Variants in BIRC6 observed in about 807,000 individuals in gnomAD.
The protein encoded by BIRC6 is dual E2 ubiquitin-conjugating enzyme/E3 ubiquitin-protein ligase BIRC6.
A neutral mutation model predicts 503.3 loss-of-function variants in BIRC6; 98 were observed. The observed-to-expected ratio is 0.19, with a 90% CI of 0.17 to 0.23. The LOEUF is 0.23. BIRC6 is among the 10% of genes least tolerant of loss of function. The pLI is 1.00. For missense variants in BIRC6, 5,360 were observed against 5,806.0 expected (o/e 0.92, Z 2.50); for synonymous variants, 2,240 against 2,078.7 (o/e 1.08, Z -2.11).
chr2:32,577,885 C>G (rs754201845), intron 66 of BIRC6, among the ~76,000 whole-genome samples: 1 of 152,164 alleles, frequency 6.6e-6, no homozygotes, highest in Non-Finnish European at 1.5e-5. Context: ...AGAGAACATT[C>G]TTCAGACTTA....
At chr2:32,413,813 G>C (rs1432793454) in intron 9 of BIRC6, among the ~76,000 whole-genome samples, 1 of 152,028 alleles carries the variant, frequency 6.6e-6, no homozygotes, top group Non-Finnish European at 1.5e-5. Flanking sequence ...AAATGGTATA[G>C]TTTTGCTTAT....
At chr2:32,537,892 A>G (rs1330015304) in intron 61 of BIRC6, among the ~76,000 whole-genome samples, 2 of 151,976 alleles carry the variant, frequency 1.3e-5, no homozygotes, top group African/African-American at 2.4e-5. Context: ...CCTGAACCCC[A>G]GAGGGCGGAG....
chr2:32,562,917 A>C (rs556097719), intron 65 of BIRC6, among the ~76,000 whole-genome samples: 1 of 152,270 alleles, frequency 6.6e-6, no homozygotes, highest in Non-Finnish European at 1.5e-5. Flanking sequence ...ACAGATTTTT[A>C]TTCCCAGTTT....
At chr2:32,377,875 T>G in intron 2 of BIRC6, 106 bp downstream of exon 2, 1 of 970,730 alleles carries the variant, frequency 1.0e-6, no homozygotes, top group South Asian at 2.0e-5. Flanking sequence ...TTATATATAT[T>G]GCTATAAAAA....
chr2:32,523,183 G>A (rs1001667012), intron 57 of BIRC6: 8 of 151,866 alleles, frequency 5.3e-5, no homozygotes, highest in South Asian at 2.1e-4. Context: ...TTTTGCATAC[G>A]TTCAAGTACA....
At chr2:32,567,610 A>G (rs1374394922) in intron 65 of BIRC6, among the ~76,000 whole-genome samples, 1 of 152,200 alleles carries the variant, frequency 6.6e-6, no homozygotes, top group Non-Finnish European at 1.5e-5. Context: ...AAAAGCACTA[A>G]AGCTAAATGT....
chr2:32,617,103 A>C (rs1416553820), intron 73 of BIRC6, among the ~76,000 whole-genome samples: 2 of 151,494 alleles, frequency 1.3e-5, no homozygotes, highest in Non-Finnish European at 2.9e-5. Context: ...AAAACAAAAT[A>C]AGAGAATATA....
At chr2:32,395,614 G>T in intron 6 of BIRC6, 21 bp downstream of exon 6, 1 of 1,558,948 alleles carries the variant, frequency 6.4e-7, no homozygotes, top group Non-Finnish European at 8.8e-7. Context: ...ATGTTTCTGG[G>T]CATAATAGGC....
chr2:32,581,977 G>A (rs2060705302), intron 66 of BIRC6, among the ~76,000 whole-genome samples: 1 of 152,042 alleles, frequency 6.6e-6, no homozygotes, highest in Non-Finnish European at 1.5e-5. Flanking sequence ...ATTCTCCTCA[G>A]CCTCCCCAGT....
rs2033179448 is a variant in BIRC6, at chr2:32,357,152, CT to C, written c.-9del. The C allele has an allele frequency of 1.3e-6, 2 of 1,492,234 alleles. No individual in the cohort carries two copies. The highest frequency in any genetic ancestry group is 8.8e-7 in the Non-Finnish European group (1 of 1,135,228). 92.4% of individuals were successfully genotyped at this position (1,492,234 alleles called of 1,614,324 possible). A position where few individuals can be genotyped will look rare whatever the true frequency, so the allele number is the denominator to read the frequency against. ...CCGGCTAACGCGCTCGGCTTGCCCC[CT>C]GGCCCCGGATGGTGACTGGTGGTGG... On this transcript the variant is annotated 5_prime_UTR_variant, in exon 1 of 74. Coordinates refer to ENST00000421745, the MANE Select transcript of BIRC6 (RefSeq NM_016252.4). The surrounding 1 kb of genome is among the most constrained non-coding windows in gnomAD (Gnocchi z 4.9).
chr2:32,508,397 A>G (rs1254640072), intron 51 of BIRC6, 138 bp downstream of exon 51: 1 of 1,170,898 alleles, frequency 8.5e-7, no homozygotes, highest in Non-Finnish European at 1.1e-6. Context: ...TCTGTATAAT[A>G]CAATTTTATT....
At chr2:32,472,697 C>A (rs1423620221) in intron 32 of BIRC6, among the ~76,000 whole-genome samples, 1 of 152,070 alleles carries the variant, frequency 6.6e-6, no homozygotes, top group Non-Finnish European at 1.5e-5. Flanking sequence ...ACTATTTAAC[C>A]TTATTTTGGT....
chr2:32,451,142 T>G lies in BIRC6; in HGVS notation c.4618+2214T>G, dbSNP rs114705046. 4.4e-3 allele frequency among the ~76,000 whole-genome samples: 663 copies of G among 152,332 alleles called. 3 individuals carry two copies. Among genetic ancestry groups the G allele is most frequent in the African/African-American group, 0.015 (630 of 41,584 alleles). ...CCTCACTTTAGTGCATTCTCCACAT[T>G]GCATTGAGTATGATCTTTCAGTTAC... On this transcript the variant is annotated intron_variant, in intron 22 of 73. Coordinates refer to ENST00000421745, the MANE Select transcript of BIRC6 (RefSeq NM_016252.4).
At chr2:32,389,174 T>C (rs1317171105) in intron 4 of BIRC6, among the ~76,000 whole-genome samples, 1 of 152,182 alleles carries the variant, frequency 6.6e-6, no homozygotes, top group Non-Finnish European at 1.5e-5. Context: ...CTAAAGGTAT[T>C]TGAAGGGATT....
chr2:32,557,700 C>T (rs911574404), intron 65 of BIRC6: 7 of 152,144 alleles, frequency 4.6e-5, no homozygotes, highest in Non-Finnish European at 1.0e-4. Flanking sequence ...TTGAACGAGA[C>T]CTTCAGAGTG....
At chr2:32,404,393 C>G (rs1398120835) in intron 8 of BIRC6, among the ~76,000 whole-genome samples, 1 of 151,868 alleles carries the variant, frequency 6.6e-6, no homozygotes, top group Non-Finnish European at 1.5e-5. Flanking sequence ...TCCTGGTTCA[C>G]TGCAATCTCT....
chr2:32,596,543 A>G (rs1267598983), intron 68 of BIRC6, among the ~76,000 whole-genome samples: 1 of 152,040 alleles, frequency 6.6e-6, no homozygotes. Flanking sequence ...AGAAAAAGCC[A>G]TAGTGCCTGT....
chr2:32,527,283 T>A (rs945028070), intron 59 of BIRC6: 3 of 152,232 alleles, frequency 2.0e-5, no homozygotes, highest in Admixed American at 6.5e-5. Context: ...TAAGCTAGAC[T>A]GGATGATGTA....
At chr2:32,438,107 G>A (rs2148200719) in intron 15 of BIRC6, among the ~76,000 whole-genome samples, 1 of 152,272 alleles carries the variant, frequency 6.6e-6, no homozygotes, top group East Asian at 1.9e-4. Flanking sequence ...TACTGATTTT[G>A]ACAAAATGGA....
Sources: allele counts gnomAD v4.1 joint callset (sites outside exome capture counted in the v4.1 genomes callset), GRCh38; gene constraint gnomAD v4.1.1; non-coding constraint Gnocchi (gnomAD v3.1); transcripts MANE v1.5; gene names NCBI Gene and HGNC (gene_info 2026-07-23, HGNC 2026-07-21).